Variants in RGS6 observed in about 807,000 individuals in gnomAD.
RGS6 encodes the protein regulator of G protein signaling 6, also known as regulator of G-protein signaling 6.
In RGS6, 30 loss-of-function variants were observed where a neutral mutation model predicts 78.5. That is an observed-to-expected ratio of 0.38 (90% CI 0.29 to 0.52). The LOEUF is 0.52. Ranked by LOEUF, RGS6 falls within the 20% of genes least tolerant of loss-of-function variation. RGS6 has a pLI of 0.85. For missense variants in RGS6, 495 were observed against 609.7 expected, an observed-to-expected ratio of 0.81 and a Z score of 1.98; for synonymous variants, 206 against 206.0, an observed-to-expected ratio of 1.00 and a Z score of 0.00.
intron 2 of RGS6, among the ~76,000 whole-genome samples, chr14:72,322,870 A>G (rs896417879): frequency 1.3e-5 from 2 of 152,122 alleles, no homozygotes; most frequent in African/African-American, 2.4e-5. Flanking sequence ...ATAAAATGCT[A>G]TTTTATTATA....
chr14:71,958,637 T>G (rs1017617792), intron 1 of RGS6, among the ~76,000 whole-genome samples: 6 of 119,266 alleles, frequency 5.0e-5, no homozygotes, highest in African/African-American at 2.0e-4. Flanking sequence ...AGTTTTTGCC[T>G]TAATACATGG....
chr14:71,916,725 T>G, the RGS6 span, among the ~76,000 whole-genome samples: 5 of 152,226 alleles, frequency 3.3e-5, no homozygotes, highest in South Asian at 1.0e-3. Context: ...GGGTGGCCCA[T>G]GAAGGTACCT....
At chr14:72,004,829 G>GTAAATAAA (rs35366814) in intron 2 of RGS6, among the ~76,000 whole-genome samples, 18 of 149,242 alleles carry the variant, frequency 1.2e-4, no homozygotes, top group South Asian at 6.3e-4. Flanking sequence ...CTGTCTCAAA[G>GTAAATAAA]TAAATAAATA....
At chr14:72,066,491 G>A (rs1029812711) in intron 2 of RGS6, among the ~76,000 whole-genome samples, 14 of 118,974 alleles carry the variant, frequency 1.2e-4, no homozygotes, top group African/African-American at 4.4e-4. Context: ...ATTTAATCTT[G>A]TCAGAAGGGT....
chr14:72,256,889 C>G (rs962979875), intron 2 of RGS6, among the ~76,000 whole-genome samples: 3 of 152,192 alleles, frequency 2.0e-5, no homozygotes, highest in African/African-American at 7.2e-5. Flanking sequence ...TAACTACAGA[C>G]AGCTGTCAAC....
rs199669187 is a variant in RGS6 at position 72,352,157 on chromosome 14, C to G, written c.147C>G (p.Val49=). The stretch of plus-strand genomic sequence containing the variant: ...CAGGGGGTGTGCCCATCAGAACAGT[C>G]AAGAGCTTTCTCTCCAAAATCCCCA... The part of the protein sequence containing the change: ...DKTGGVPIRT[V]KSFLSKIPSV... The change falls in exon 3 of 18, where the codon GTC becomes GTG. Residue 49 remains valine (V), a synonymous_variant. Coordinates refer to ENST00000553525, the MANE Select transcript of RGS6 (RefSeq NM_001204424.2). 1.8e-4 allele frequency: 297 copies of G among 1,613,412 alleles called. No individual in the cohort carries two copies. Among genetic ancestry groups the G allele is most frequent in the Non-Finnish European group, 2.2e-4 (262 of 1,179,672 alleles).
At chr14:72,398,476 A>G (rs994792447) in intron 3 of RGS6, among the ~76,000 whole-genome samples, 9 of 151,798 alleles carry the variant, frequency 5.9e-5, no homozygotes, top group African/African-American at 1.5e-4. Context: ...TGGTCTATCA[A>G]TTTTGTTGAT....
At chr14:72,015,820 TTGAG>T (rs1184115940) in intron 2 of RGS6, among the ~76,000 whole-genome samples, 5 of 152,358 alleles carry the variant, frequency 3.3e-5, no homozygotes, top group East Asian at 3.8e-4. Flanking sequence ...TCTAGTGTGA[TTGAG>T]TGTCTCTTCT....
chr14:72,246,870 C>T (rs2054340961), intron 2 of RGS6, among the ~76,000 whole-genome samples: 2 of 150,630 alleles, frequency 1.3e-5, no homozygotes, highest in Non-Finnish European at 2.9e-5. Context: ...CATGCCACTG[C>T]ACTCCAGCCT....
intron 2 of RGS6, among the ~76,000 whole-genome samples, chr14:72,201,013 T>A (rs1325004854): frequency 6.6e-6 from 1 of 150,832 alleles, no homozygotes; most frequent in East Asian, 1.9e-4. Context: ...AGAAATTGTG[T>A]TGGGCGTAAC....
intron 2 of RGS6, among the ~76,000 whole-genome samples, chr14:72,238,683 A>G (rs1043040317): frequency 6.6e-5 from 10 of 152,242 alleles, no homozygotes; most frequent in Admixed American, 2.0e-4. Context: ...ACCTAAGCCA[A>G]TCTGGTACTT....
chr14:72,576,265 A>T, the RGS6 span, among the ~76,000 whole-genome samples: 1 of 152,204 alleles, frequency 6.6e-6, no homozygotes, highest in East Asian at 1.9e-4. Context: ...TGGCCATGTA[A>T]TGGGGGGATA....
chr14:72,090,926 T>A (rs1398288589), intron 2 of RGS6, among the ~76,000 whole-genome samples: 2 of 152,196 alleles, frequency 1.3e-5, no homozygotes, highest in Admixed American at 1.3e-4. Flanking sequence ...TTATTTTCTT[T>A]TGGCCATCTG....
At chr14:71,928,015 C>T (rs2087744203), upstream of RGS6, among the ~76,000 whole-genome samples, 1 of 152,034 alleles carries the variant, frequency 6.6e-6, no homozygotes, top group East Asian at 1.9e-4. Context: ...GAAACAGATC[C>T]AATTTTGTTT....
chr14:72,004,829 G>GTAAA (rs35366814), intron 2 of RGS6, among the ~76,000 whole-genome samples: 21,110 of 149,160 alleles, frequency 0.14, 1,662 homozygotes, highest in South Asian at 0.2. Flanking sequence ...CTGTCTCAAA[G>GTAAA]TAAATAAATA....
At chr14:72,372,031 G>T (rs1252268388) in intron 3 of RGS6, among the ~76,000 whole-genome samples, 1 of 152,190 alleles carries the variant, frequency 6.6e-6, no homozygotes, top group Non-Finnish European at 1.5e-5. Context: ...GACAGAAAGT[G>T]TATACACATT....
At chr14:72,212,898 T>C (rs867645134) in intron 2 of RGS6, among the ~76,000 whole-genome samples, 3 of 152,232 alleles carry the variant, frequency 2.0e-5, no homozygotes, top group Admixed American at 2.0e-4. Context: ...TACGTCACTT[T>C]CTGAAAGGAA....
intron 3 of RGS6, among the ~76,000 whole-genome samples, chr14:72,420,709 G>A (rs1473688614): frequency 6.6e-6 from 1 of 152,024 alleles, no homozygotes; most frequent in African/African-American, 2.4e-5. Context: ...TGCTACCAAG[G>A]TATCCCTGAG....
the RGS6 span, among the ~76,000 whole-genome samples, chr14:72,579,679 A>G: frequency 3.3e-5 from 5 of 152,202 alleles, no homozygotes. Flanking sequence ...CCAATTTGAC[A>G]TAGGAAACTA....
Sources: gnomAD v4.1 joint callset for allele counts (sites outside exome capture counted in the v4.1 genomes callset) on GRCh38, gnomAD v4.1.1 for gene constraint, MANE v1.5 for transcripts, NCBI Gene and HGNC (gene_info 2026-07-23, HGNC 2026-07-21) for gene names.